The following SLC10A7 variants were observed in gnomAD, a reference collection of about 807,000 sequenced individuals.
SLC10A7 encodes solute carrier family 10 member 7.
A neutral mutation model predicts 43.2 loss-of-function variants in SLC10A7; 29 were observed. That is an observed-to-expected ratio of 0.67 (90% CI 0.50 to 0.92). The LOEUF is 0.92. Among genes scored for constraint, SLC10A7 ranks in the 40% least tolerant of loss-of-function variants. SLC10A7 has a pLI of 0.00. For missense variants in SLC10A7, 295 were observed against 403.2 expected, an observed-to-expected ratio of 0.73 and a Z score of 2.30; for synonymous variants, 152 against 144.8, an observed-to-expected ratio of 1.05 and a Z score of -0.35.
chr4:146,503,744 G>T, intron 4 of SLC10A7, 105 bp downstream of exon 4: 1 of 969,306 alleles, frequency 1.0e-6, no homozygotes. Flanking sequence ...GCTATGGCTA[G>T]GAGTTTTCTG....
intron 4 of SLC10A7, among the ~76,000 whole-genome samples, chr4:146,467,050 G>T (rs1733093605): frequency 6.6e-6 from 1 of 152,134 alleles, no homozygotes; most frequent in Non-Finnish European, 1.5e-5. Flanking sequence ...GGGCTCTCAG[G>T]ACTTTTCTGC....
At chr4:146,273,922 G>A (rs1352162943) in intron 10 of SLC10A7, among the ~76,000 whole-genome samples, 4 of 152,052 alleles carry the variant, frequency 2.6e-5, no homozygotes, top group Non-Finnish European at 5.9e-5. Flanking sequence ...TGACTTCTGG[G>A]AAGCAGTGAT....
At chr4:146,392,587 A>G (rs1738520100) in intron 5 of SLC10A7, among the ~76,000 whole-genome samples, 1 of 152,184 alleles carries the variant, frequency 6.6e-6, no homozygotes, top group African/African-American at 2.4e-5. Flanking sequence ...AATGCCAATT[A>G]TGTCACTCAT....
rs1578722120 is a variant in SLC10A7 at position 146,258,683 on chromosome 4, G to A, written c.993+9C>T. On this transcript the variant is annotated intron_variant, in intron 11 of 11. Coordinates refer to ENST00000335472, the MANE Select transcript of SLC10A7 (RefSeq NM_001029998.6). ...CTTGGATCCAAATAAGATCTTTCTG[G>A]GGACTCACCTTCTGCCTTGATACCA... 3 of 1,572,832 alleles carry A rather than the reference G, an allele frequency of 1.9e-6. No homozygotes were observed. The highest frequency in any genetic ancestry group is 1.7e-4 in the Middle Eastern group (1 of 5,946).
chr4:146,265,409 T>C (rs1252676426), intron 10 of SLC10A7, among the ~76,000 whole-genome samples: 3 of 152,222 alleles, frequency 2.0e-5, no homozygotes, highest in Non-Finnish European at 4.4e-5. Flanking sequence ...TTTTTCTCCA[T>C]ATACCTAAAT....
At chr4:146,424,835 T>G (rs190938168) in intron 5 of SLC10A7, among the ~76,000 whole-genome samples, 2 of 152,316 alleles carry the variant, frequency 1.3e-5, no homozygotes, top group African/African-American at 4.8e-5. Context: ...AAGTTGTATT[T>G]ATTTTCCTGG....
At chr4:146,302,537 T>C (rs1731231648) in intron 7 of SLC10A7, among the ~76,000 whole-genome samples, 1 of 152,166 alleles carries the variant, frequency 6.6e-6, no homozygotes, top group Admixed American at 6.5e-5. Flanking sequence ...GGTGTTGCAA[T>C]GAAGAATAAC....
At chr4:146,378,077 A>T (rs1737334939) in intron 5 of SLC10A7, among the ~76,000 whole-genome samples, 1 of 152,196 alleles carries the variant, frequency 6.6e-6, no homozygotes, top group Non-Finnish European at 1.5e-5. Flanking sequence ...GGAACAAAGG[A>T]AAGAGTATGC....
chr4:146,351,725 A>G lies in SLC10A7; in HGVS notation c.436-25729T>C, dbSNP rs533373162. ...TACAAGCCAGAAGAGAGTGGGGGCC[A>G]ATATTCAACATTCTTAAAGAAAAGA... is the stretch of plus-strand genomic sequence containing the variant. On this transcript the variant is annotated intron_variant, in intron 5 of 11. Transcript: ENST00000335472. Among the ~76,000 whole-genome samples the G allele has an allele frequency of 1.1e-3, 157 of 148,776 alleles. No individual in the cohort carries two copies. In the Middle Eastern group the frequency reaches 0.011, roughly 10 times the overall value.
intron 5 of SLC10A7, among the ~76,000 whole-genome samples, chr4:146,410,679 G>T (rs572527141): frequency 1.3e-5 from 2 of 152,258 alleles, no homozygotes; most frequent in Admixed American, 6.5e-5. Flanking sequence ...GTTGGATTCT[G>T]AAGCCCTTTG....
intron 4 of SLC10A7, among the ~76,000 whole-genome samples, chr4:146,477,205 T>A (rs1363918407): frequency 6.6e-6 from 1 of 152,230 alleles, no homozygotes. Context: ...GCCAAGTTTA[T>A]ATTACTAGAT....
chr4:146,469,732 A>G (rs1579271456), intron 4 of SLC10A7, among the ~76,000 whole-genome samples: 1 of 152,234 alleles, frequency 6.6e-6, no homozygotes, highest in East Asian at 1.9e-4. Context: ...AGGCTCAAGC[A>G]ATCCTCCCAC....
At chr4:146,432,750 C>G (rs1169869613) in intron 5 of SLC10A7, among the ~76,000 whole-genome samples, 1 of 152,104 alleles carries the variant, frequency 6.6e-6, no homozygotes, top group Non-Finnish European at 1.5e-5. Context: ...AGAAATTATA[C>G]CTCAATAAAC....
chr4:146,306,129 A>G, intron 6 of SLC10A7, 120 bp from the exon 7 acceptor site: 1 of 623,036 alleles, frequency 1.6e-6, no homozygotes, highest in East Asian at 3.3e-5. Context: ...AGCTATCTAC[A>G]AAGAATAAGT....
intron 5 of SLC10A7, among the ~76,000 whole-genome samples, chr4:146,416,909 G>T (rs1467458701): frequency 6.6e-6 from 1 of 152,042 alleles, no homozygotes; most frequent in Non-Finnish European, 1.5e-5. Flanking sequence ...CCCATGGCTT[G>T]CTCTCTCACC....
intron 5 of SLC10A7, among the ~76,000 whole-genome samples, chr4:146,433,010 C>G (rs911296483): frequency 6.7e-5 from 10 of 149,582 alleles, no homozygotes; most frequent in African/African-American, 2.2e-4. Context: ...TGCACTCCAG[C>G]GTGGGTGACA....
chr4:146,507,495 A>G (rs556462400), intron 3 of SLC10A7, among the ~76,000 whole-genome samples: 1 of 152,320 alleles, frequency 6.6e-6, no homozygotes, highest in East Asian at 1.9e-4. Flanking sequence ...CGGGAGGCAG[A>G]GGTTGCAGTG....
chr4:146,257,705 T>C (rs924724372), intron 11 of SLC10A7, among the ~76,000 whole-genome samples: 5 of 152,158 alleles, frequency 3.3e-5, no homozygotes, highest in African/African-American at 1.2e-4. Flanking sequence ...AGGGTGTAGA[T>C]ATTATCATTA....
At chr4:146,358,515 C>T (rs1328754765) in intron 5 of SLC10A7, among the ~76,000 whole-genome samples, 1 of 152,120 alleles carries the variant, frequency 6.6e-6, no homozygotes, top group Non-Finnish European at 1.5e-5. Flanking sequence ...AGGAAAATCT[C>T]TCCAAGTCAA....
Sources: gnomAD v4.1 joint callset for allele counts (sites outside exome capture counted in the v4.1 genomes callset) on GRCh38, gnomAD v4.1.1 for gene constraint, MANE v1.5 for transcripts, NCBI Gene and HGNC (gene_info 2026-07-23, HGNC 2026-07-21) for gene names.